CLCN6: variants seen among roughly 807,000 people sequenced by gnomAD.
CLCN6 encodes Cl-/H+ antiporter 6.
CLCN6 carries 70 observed loss-of-function variants against 109.8 expected under a neutral mutation model. The ratio of observed to expected loss-of-function variants is 0.64; its 90% confidence interval spans 0.53 to 0.78. The LOEUF (loss-of-function observed/expected upper bound fraction) is 0.78. Among genes scored for constraint, CLCN6 ranks in the 30% least tolerant of loss-of-function variants. The probability of loss-of-function intolerance (pLI) is 0.00; values close to 1 mark genes in which losing one functional copy is unlikely to be tolerated. For synonymous variants in CLCN6, 444 were observed against 447.8 expected (o/e 0.99, Z 0.11); for missense variants, 984 against 1,142.3 (o/e 0.86, Z 2.00).
At chr1:11,829,386 C>G in intron 13 of CLCN6, 64 bp downstream of exon 13, 2 of 1,590,994 alleles carry the variant, frequency 1.3e-6, no homozygotes, top group Non-Finnish European at 1.7e-6. Context: ...AATGTATGAC[C>G]TTCCTCTGTT....
chr1:11,807,028 C>T (rs1644523829), intron 1 of CLCN6, 103 bp from the exon 2 acceptor site: 5 of 1,035,600 alleles, frequency 4.8e-6, no homozygotes, highest in South Asian at 4.1e-5. Flanking sequence ...TTGATAATGG[C>T]TCCAGATGAT....
chr1:11,815,878 T>C lies in CLCN6; in HGVS notation c.180T>C (p.Pro60=). 5 of 1,614,012 alleles carry C rather than the reference T, an allele frequency of 3.1e-6. No homozygotes were observed. Among genetic ancestry groups the C allele is most frequent in the Non-Finnish European group, 4.2e-6 (5 of 1,179,822 alleles). ...SLDYDRCIND[P]YLEVLETMDN... ...ATTATGATCGCTGTATCAATGACCC[T>C]TACCTGGAAGTTTTGGAGACCATGG... The change falls in exon 3 of 23, where the codon CCT becomes CCC. Residue 60 remains proline (P), a synonymous_variant. Coordinates refer to ENST00000346436, the MANE Select transcript of CLCN6 (RefSeq NM_001286.5).
Position 11,840,254 on chromosome 1 carries a change from T to C in CLCN6, c.*31T>C. On this transcript the variant is annotated 3_prime_UTR_variant, in exon 23 of 23. Transcript: ENST00000346436. ...CAGCCCACCCTCTCCTGGTGCTGCC[T>C]GGGGAGGCAAATCATGCTCACTCCG... 1 of 1,580,134 alleles carries C rather than the reference T, an allele frequency of 6.3e-7. No homozygotes were observed.
At position 11,836,079 on chromosome 1, in the gene CLCN6, G is replaced by A. The variant is rs1644940401; in HGVS notation, c.1906G>A (p.Val636Ile). Residue 636 changes from valine to isoleucine, a missense_variant, in exon 18 of 23, where the codon GTC becomes ATC. Coordinates refer to ENST00000346436, the MANE Select transcript of CLCN6 (RefSeq NM_001286.5). ...CACGGTCCACCATGCCTTCCCGGTG[G>A]TCACAGAGAACCGCGGTAACGAGAA... ...RTTVHHAFPV[V>I]TENRGNEKEF... 1 of 1,614,062 alleles carries A rather than the reference G, an allele frequency of 6.2e-7. No individual in the cohort carries two copies. Among genetic ancestry groups the A allele is most frequent in the Non-Finnish European group, 8.5e-7 (1 of 1,179,988 alleles).
chr1:11,813,403 T>TA (rs1477438203), intron 2 of CLCN6, among the ~76,000 whole-genome samples: 1 of 152,020 alleles, frequency 6.6e-6, no homozygotes, highest in Non-Finnish European at 1.5e-5. Flanking sequence ...TTTTTTTTTT[T>TA]TTTTTGAGAC....
In CLCN6 at chr1:11,819,174, G is replaced by A. The variant is rs115663427; in HGVS notation, c.280-314G>A. On this transcript the variant is annotated intron_variant, in intron 4 of 22. Coordinates refer to ENST00000346436, the MANE Select transcript of CLCN6 (RefSeq NM_001286.5). ...AGTGTGGTCCAGGGAAGCCAAAAGA[G>A]TAGACACCCCTGTGTCAGTAGTCTT... Among the ~76,000 whole-genome samples the A allele has an allele frequency of 4.0e-3, 614 of 152,338 alleles. 5 individuals are homozygous for A. Among genetic ancestry groups the A allele is most frequent in the African/African-American group, 0.014 (593 of 41,570 alleles).
chr1:11,806,544 C>T, intron 1 of CLCN6, 195 bp downstream of exon 1: 2 of 482,054 alleles, frequency 4.1e-6, no homozygotes, highest in Middle Eastern at 5.2e-4. Context: ...ATAACCCCTC[C>T]TGGAATCTGA....
intron 2 of CLCN6, among the ~76,000 whole-genome samples, chr1:11,812,278 G>A (rs1207074196): frequency 1.3e-5 from 2 of 152,222 alleles, no homozygotes; most frequent in African/African-American, 2.4e-5. Context: ...ATATCATAAA[G>A]GATACAGAAG....
intron 17 of CLCN6, among the ~76,000 whole-genome samples, chr1:11,835,447 A>T (rs370730053): frequency 2.0e-5 from 3 of 151,662 alleles, no homozygotes; most frequent in South Asian, 2.1e-4. Context: ...AATTTTTAAC[A>T]TTTTTTTTAT....
intron 17 of CLCN6, 94 bp from the exon 18 acceptor site, chr1:11,835,873 C>A: frequency 1.8e-6 from 2 of 1,095,820 alleles, no homozygotes; most frequent in Non-Finnish European, 2.6e-6. Context: ...CCACCCCGCC[C>A]GTGGTCTGAG....
chr1:11,835,848 G>A, intron 17 of CLCN6, 119 bp from the exon 18 acceptor site: 1 of 736,438 alleles, frequency 1.4e-6, no homozygotes, highest in Non-Finnish European at 2.2e-6. Context: ...AGCTGGGGCA[G>A]TTCAGAAGAG....
intron 2 of CLCN6, among the ~76,000 whole-genome samples, chr1:11,813,929 A>G (rs1033773160): frequency 6.6e-6 from 1 of 151,602 alleles, no homozygotes; most frequent in African/African-American, 2.4e-5. Context: ...ATTTTTGGAG[A>G]TTTTCCATAT....
Position 11,834,078 on chromosome 1 carries a change from G to T in CLCN6, c.1526+48G>T. 6.2e-7 allele frequency: 1 copy of T among 1,601,274 alleles called. No individual in the cohort carries two copies. Among genetic ancestry groups the T allele is most frequent in the Non-Finnish European group, 8.5e-7 (1 of 1,172,464 alleles). On this transcript the variant is annotated intron_variant, in intron 15 of 22. Coordinates refer to ENST00000346436, the MANE Select transcript of CLCN6 (RefSeq NM_001286.5). The surrounding 1 kb of genome is among the most constrained non-coding windows in gnomAD (Gnocchi z 4.5). ...TGTGCGCATGTGCATGTGTGTGCAC[G>T]TGTGCGTGTGTATGCATGTGTGTGC...
intron 10 of CLCN6, 100 bp downstream of exon 10, chr1:11,827,321 G>GA: frequency 1.6e-6 from 2 of 1,284,206 alleles, no homozygotes; most frequent in Non-Finnish European, 2.1e-6. Flanking sequence ...GAGACTGGGG[G>GA]GTCAACTGGA....
At position 11,837,093 on chromosome 1, in the gene CLCN6, A is replaced by G. The variant is rs745622403; in HGVS notation, c.2075A>G (p.Glu692Gly). The change falls in exon 19 of 23, where the codon GAG becomes GGG. Residue 692 changes from glutamate to glycine, a missense_variant. Coordinates refer to ENST00000346436, the MANE Select transcript of CLCN6 (RefSeq NM_001286.5). ...PSSELRNMCD[E>G]HIASEEPAEK... ...AGCGAGCTACGGAACATGTGTGATG[A>G]GCACATCGCCTCTGAGGAGCCAGCC... is the stretch of plus-strand genomic sequence containing the variant. The G allele has an allele frequency of 1.2e-6, 2 of 1,613,514 alleles. No individual in the cohort carries two copies. The highest frequency in any genetic ancestry group is 1.7e-6 in the Non-Finnish European group (2 of 1,180,032).
chr1:11,836,463 A>G (rs1379453516), intron 18 of CLCN6, among the ~76,000 whole-genome samples: 4 of 152,306 alleles, frequency 2.6e-5, no homozygotes, highest in Non-Finnish European at 4.4e-5. Context: ...AGCAACAGAA[A>G]TGGACTTCGA....
Position 11,827,227 on chromosome 1 carries a change from G to T in CLCN6, c.840+6G>T, listed in dbSNP as rs2100639902. 6.2e-7 allele frequency: 1 copy of T among 1,609,022 alleles called. No individual in the cohort carries two copies. The highest frequency in any genetic ancestry group is 8.5e-7 in the Non-Finnish European group (1 of 1,176,844). ...AAGGGCTCACGTGGAAAGTGGTGAG[G>T]AGGACCTTCAGTGAAAGCATTAACC... is the stretch of plus-strand genomic sequence containing the variant. On this transcript the variant is annotated splice_donor_region_variant and intron_variant, in intron 10 of 22. Coordinates refer to ENST00000346436, the MANE Select transcript of CLCN6 (RefSeq NM_001286.5).
intron 2 of CLCN6, among the ~76,000 whole-genome samples, chr1:11,811,959 G>A (rs537897925): frequency 3.9e-5 from 6 of 152,220 alleles, no homozygotes; most frequent in African/African-American, 1.4e-4. Context: ...GGCACCACTC[G>A]CGGAACACTG....
At chr1:11,830,735 TATTA>T (rs1557429501) in intron 13 of CLCN6, among the ~76,000 whole-genome samples, 3 of 95,436 alleles carry the variant, frequency 3.1e-5, no homozygotes, top group African/African-American at 1.4e-4. Flanking sequence ...TATATGTATA[TATTA>T]TATATATATA....
Sources: allele counts gnomAD v4.1 joint callset (sites outside exome capture counted in the v4.1 genomes callset), GRCh38; gene constraint gnomAD v4.1.1; non-coding constraint Gnocchi (gnomAD v3.1); transcripts MANE v1.5; gene names NCBI Gene and HGNC (gene_info 2026-07-23, HGNC 2026-07-21).